ACER3: variants seen among roughly 807,000 people sequenced by gnomAD.
The protein encoded by ACER3 is alkaline ceramidase 3, also known as alkCDase 3.
Under a neutral mutation model 48.9 loss-of-function variants are expected in ACER3, and 16 were observed. The observed-to-expected ratio is 0.33, with a 90% CI of 0.22 to 0.50. The LOEUF (loss-of-function observed/expected upper bound fraction) is 0.50. Among genes scored for constraint, ACER3 ranks in the 20% least tolerant of loss-of-function variants. ACER3 has a pLI of 0.98. For synonymous variants in ACER3, 109 were observed against 107.8 expected (o/e 1.01, Z -0.07); for missense variants, 227 against 326.0 (o/e 0.70, Z 2.34).
At chr11:76,930,659 GT>G (rs147493335) in intron 2 of ACER3, among the ~76,000 whole-genome samples, 9,305 of 152,104 alleles carry the variant, frequency 0.061, 330 homozygotes, top group Middle Eastern at 0.12. Flanking sequence ...ATTCTGGTAT[GT>G]TGTGTCTTTG....
intron 3 of ACER3, among the ~76,000 whole-genome samples, chr11:76,975,512 A>C (rs1233930926): frequency 6.6e-6 from 1 of 152,198 alleles, no homozygotes; most frequent in Admixed American, 6.5e-5. Flanking sequence ...TTCCCTGGCC[A>C]TTAATACCTC....
At chr11:76,949,706 A>T (rs1053739137) in intron 2 of ACER3, among the ~76,000 whole-genome samples, 4 of 152,206 alleles carry the variant, frequency 2.6e-5, no homozygotes, top group African/African-American at 9.7e-5. Context: ...TTCAGAAAAT[A>T]TGTACTTTCT....
At chr11:76,946,580 A>G (rs1357481812) in intron 2 of ACER3, among the ~76,000 whole-genome samples, 1 of 152,172 alleles carries the variant, frequency 6.6e-6, no homozygotes, top group East Asian at 1.9e-4. Flanking sequence ...CCAGGTAAGC[A>G]GTGTGAGCTA....
Position 76,891,478 on chromosome 11 carries a change from ATATCCTTTG to A in ACER3, c.103+30402_103+30410del, listed in dbSNP as rs571883133. Among the ~76,000 whole-genome samples, 468 of 152,192 alleles carry A rather than the reference ATATCCTTTG, an allele frequency of 3.1e-3. 5 individuals are homozygous for A. The highest frequency in any genetic ancestry group is 0.011 in the African/African-American group (445 of 41,532). On this transcript the variant is annotated intron_variant, in intron 1 of 10. Coordinates refer to ENST00000532485, the MANE Select transcript of ACER3 (RefSeq NM_018367.7). ...TGGCTGTTTATTTGAATCCTTTAAA[ATATCCTTTG>A]TAATAAACTGATAAACACAAATAAG...
intron 1 of ACER3, among the ~76,000 whole-genome samples, chr11:76,923,235 T>C (rs1184608806): frequency 6.6e-6 from 1 of 152,034 alleles, no homozygotes. Context: ...AATTAAAATT[T>C]GACATTGGCT....
chr11:76,996,648 A>C (rs1591047513), intron 6 of ACER3, among the ~76,000 whole-genome samples: 1 of 149,250 alleles, frequency 6.7e-6, no homozygotes, highest in Non-Finnish European at 1.5e-5. Context: ...TCAAACTCCT[A>C]ACCTCAGGTG....
At chr11:76,999,127 T>C (rs1281732784) in intron 7 of ACER3, among the ~76,000 whole-genome samples, 1 of 152,138 alleles carries the variant, frequency 6.6e-6, no homozygotes, top group Non-Finnish European at 1.5e-5. Context: ...TTAAAAATCC[T>C]ATAGTTAAAA....
At chr11:76,991,548 G>A (rs777668813) in intron 6 of ACER3, among the ~76,000 whole-genome samples, 1 of 151,638 alleles carries the variant, frequency 6.6e-6, no homozygotes, top group Non-Finnish European at 1.5e-5. Flanking sequence ...GGGCGTGGTG[G>A]CTCACACCTG....
At chr11:76,991,954 A>G (rs2135231595) in intron 6 of ACER3, among the ~76,000 whole-genome samples, 1 of 152,290 alleles carries the variant, frequency 6.6e-6, no homozygotes. Context: ...TTGGCCAGGC[A>G]CAGCGGCTTA....
intron 1 of ACER3, among the ~76,000 whole-genome samples, chr11:76,867,848 A>C (rs1439707643): frequency 6.6e-6 from 1 of 152,144 alleles, no homozygotes; most frequent in African/African-American, 2.4e-5. Context: ...AGAATGGTTC[A>C]AGCTAGGTAT....
intron 3 of ACER3, among the ~76,000 whole-genome samples, chr11:76,975,228 C>T (rs2135146998): frequency 6.6e-6 from 1 of 152,250 alleles, no homozygotes; most frequent in South Asian, 2.1e-4. Context: ...AGAATGCGAA[C>T]TCCTTGAAGG....
chr11:76,889,028 G>A (rs1034443200), intron 1 of ACER3, among the ~76,000 whole-genome samples: 3 of 152,080 alleles, frequency 2.0e-5, no homozygotes, highest in South Asian at 2.1e-4. Flanking sequence ...TTGTTCCTTC[G>A]TGCTAGTGGG....
At chr11:76,991,412 T>C (rs1367200396) in intron 6 of ACER3, among the ~76,000 whole-genome samples, 1 of 152,202 alleles carries the variant, frequency 6.6e-6, no homozygotes, top group African/African-American at 2.4e-5. Flanking sequence ...TATACAATAA[T>C]CATCTAACTG....
chr11:76,946,530 A>G (rs1947478258), intron 2 of ACER3, among the ~76,000 whole-genome samples: 1 of 152,126 alleles, frequency 6.6e-6, no homozygotes. Flanking sequence ...AACTCTCAAT[A>G]TGGTGCCTAG....
intron 1 of ACER3, among the ~76,000 whole-genome samples, chr11:76,911,632 C>A (rs1404321841): frequency 3.9e-5 from 6 of 152,172 alleles, no homozygotes; most frequent in Non-Finnish European, 8.8e-5. Context: ...TCTGACACTA[C>A]CATGGTGTTT....
chr11:76,973,412 C>T (rs1442348510), intron 3 of ACER3, among the ~76,000 whole-genome samples: 4 of 152,130 alleles, frequency 2.6e-5, no homozygotes, highest in Non-Finnish European at 4.4e-5. Context: ...TCCTCAGTGG[C>T]GGTCAGACTT....
chr11:76,905,638 G>A (rs1946209628), intron 1 of ACER3, among the ~76,000 whole-genome samples: 1 of 152,122 alleles, frequency 6.6e-6, no homozygotes. Context: ...GTTGCTCACT[G>A]CAGTATTGTT....
chr11:76,966,161 A>G (rs1451534322), intron 3 of ACER3, among the ~76,000 whole-genome samples: 7 of 152,146 alleles, frequency 4.6e-5, no homozygotes, highest in Non-Finnish European at 1.0e-4. Flanking sequence ...TTGCAATCCT[A>G]GTCTCTGATT....
intron 1 of ACER3, among the ~76,000 whole-genome samples, chr11:76,907,954 T>C (rs2043986): frequency 0.59 from 89,970 of 151,250 alleles, 28,922 homozygotes; most frequent in Non-Finnish European, 0.74. Flanking sequence ...TTATAATTTT[T>C]GCCGGGCACA....
Sources: allele counts gnomAD v4.1 joint callset (sites outside exome capture counted in the v4.1 genomes callset), GRCh38; gene constraint gnomAD v4.1.1; transcripts MANE v1.5; gene names NCBI Gene and HGNC (gene_info 2026-07-23, HGNC 2026-07-21).